Variants in AGFG2 observed in about 807,000 individuals in gnomAD.
AGFG2 encodes arf-GAP domain and FG repeat-containing protein 2.
In AGFG2, 31 loss-of-function variants were observed where a neutral mutation model predicts 48.0. The observed-to-expected ratio is 0.65, with a 90% CI of 0.49 to 0.87. The LOEUF (loss-of-function observed/expected upper bound fraction) is 0.87. Among genes scored for constraint, AGFG2 ranks in the 40% least tolerant of loss-of-function variants. The probability of loss-of-function intolerance (pLI) is 0.00; values close to 1 mark genes in which losing one functional copy is unlikely to be tolerated. For synonymous variants in AGFG2, 229 were observed against 260.8 expected, an observed-to-expected ratio of 0.88 and a Z score of 1.18; for missense variants, 599 against 632.6, an observed-to-expected ratio of 0.95 and a Z score of 0.57.
chr7:100,563,315 A>C (rs1303232228), intron 9 of AGFG2, among the ~76,000 whole-genome samples: 2 of 151,592 alleles, frequency 1.3e-5, no homozygotes, highest in African/African-American at 2.4e-5. Context: ...GCTTCCATCA[A>C]CTCCAGGCCT....
At position 100,554,135 on chromosome 7, in the gene AGFG2, A is replaced by C. The variant is rs1201717290; in HGVS notation, c.628A>C (p.Thr210Pro). 1.2e-6 allele frequency: 2 copies of C among 1,614,038 alleles called. No individual in the cohort carries two copies. The change falls in exon 5 of 12, where the codon ACT (threonine) becomes CCT (proline). Residue 210 changes from threonine to proline, a missense_variant. Transcript: ENST00000300176. ...SHARTSQARS[T>P]QPPPHSSVKK... ...CGCTCGGACATCCCAGGCCCGGAGC[A>C]CTCAGCCACCTCCCCACTCCTCTGT...
rs1800984693 is a variant in AGFG2, at chr7:100,565,383, A to G, written c.*392A>G. 4.5e-6 allele frequency: 1 copy of G among 223,184 alleles called. No homozygotes were observed. The highest frequency in any genetic ancestry group is 6.5e-5 in the South Asian group (1 of 15,396). 13.8% of individuals were successfully genotyped at this position (223,184 alleles called of 1,614,324 possible). A position where few individuals can be genotyped will look rare whatever the true frequency, so the allele number is the denominator to read the frequency against. On this transcript the variant is annotated 3_prime_UTR_variant, in exon 12 of 12. Coordinates refer to ENST00000300176, the MANE Select transcript of AGFG2 (RefSeq NM_006076.5). Reference sequence around the variant, plus strand: ...AGGGGAAAGATGAGGCACAGTGTTGATGGGGCAGTGACCAGACAGTCCTGA... The same window carrying G: ...AGGGGAAAGATGAGGCACAGTGTTGGTGGGGCAGTGACCAGACAGTCCTGA...
rs1343660897 is a variant in AGFG2, at chr7:100,555,688, T to G, written c.830T>G (p.Leu277Arg). ...CCCAGCTCTTCTGTGTTTGGAAGCC[T>G]CCCTCCAGCTGGTCAAGCCTCGTTC... ...SGPSSSVFGS[L>R]PPAGQASFQA... The change falls in exon 6 of 12, where the codon CTC (leucine) becomes CGC (arginine). Residue 277 changes from leucine (L) to arginine (R), a missense_variant. Transcript: ENST00000300176. 1.9e-6 allele frequency: 3 copies of G among 1,614,012 alleles called. No individual in the cohort carries two copies. The African/African-American group carries it at 4.0e-5, about 22-fold the overall frequency.
At chr7:100,548,153 G>A (rs778358738) in intron 1 of AGFG2, among the ~76,000 whole-genome samples, 8 of 152,070 alleles carry the variant, frequency 5.3e-5, no homozygotes, top group Non-Finnish European at 1.2e-4. Context: ...TACCCCCCTC[G>A]GCCTACAGGC....
intron 1 of AGFG2, among the ~76,000 whole-genome samples, chr7:100,546,853 G>A (rs773719153): frequency 2.0e-5 from 3 of 152,154 alleles, no homozygotes; most frequent in Admixed American, 1.3e-4. Flanking sequence ...AAATGTGATC[G>A]GAAGACAGTC....
rs1800998158 is a variant in AGFG2, at chr7:100,565,924, T to C, written c.*933T>C. 6.8e-6 allele frequency: 1 copy of C among 148,010 alleles called. No individual in the cohort carries two copies. Among genetic ancestry groups the C allele is most frequent in the African/African-American group, 2.5e-5 (1 of 40,060 alleles). The allele number at this position is 148,010 out of a possible 1,614,324, so 9.2% of individuals were successfully genotyped here. On this transcript the variant is annotated 3_prime_UTR_variant, in exon 12 of 12. Coordinates refer to ENST00000300176, the MANE Select transcript of AGFG2 (RefSeq NM_006076.5). ...TTTTTTTTTTCTCCATGTGCCTCCCTGTCCCCAAATCTCTGCACCAAAGCT... is the reference window on the plus strand; with the variant it reads ...TTTTTTTTTTCTCCATGTGCCTCCCCGTCCCCAAATCTCTGCACCAAAGCT...
Position 100,564,179 on chromosome 7 carries a change from C to T in AGFG2, c.1301-39C>T, listed in dbSNP as rs190701311. On this transcript the variant is annotated intron_variant, in intron 10 of 11. Coordinates refer to ENST00000300176, the MANE Select transcript of AGFG2 (RefSeq NM_006076.5). ...CCCTTGCTGTCCGCCTGCAGGAAGG[C>T]AGGCTGGTGTCAGCTGAGTGACTGC... 1.6e-3 allele frequency: 2,548 copies of T among 1,591,472 alleles called. 2 individuals carry two copies. The highest frequency in any genetic ancestry group is 1.8e-3 in the Non-Finnish European group (2,055 of 1,166,884).
At chr7:100,551,416 G>C (rs1800641848) in intron 3 of AGFG2, among the ~76,000 whole-genome samples, 1 of 149,696 alleles carries the variant, frequency 6.7e-6, no homozygotes. Flanking sequence ...CGTTGCCCAG[G>C]CTGGTCTGAA....
chr7:100,545,735 T>A (rs1231968484), intron 1 of AGFG2, among the ~76,000 whole-genome samples: 1 of 152,186 alleles, frequency 6.6e-6, no homozygotes, highest in Non-Finnish European at 1.5e-5. Flanking sequence ...GTGGGAGAGC[T>A]GGGCCTGTTT....
intron 1 of AGFG2, among the ~76,000 whole-genome samples, chr7:100,542,764 C>T (rs1310752075): frequency 6.6e-6 from 1 of 152,110 alleles, no homozygotes; most frequent in Non-Finnish European, 1.5e-5. Context: ...TGATTGATTA[C>T]CTGTAGATTA....
chr7:100,562,340 T>C lies in AGFG2; in HGVS notation c.959T>C (p.Phe320Ser), dbSNP rs912204114. Residue 320 changes from phenylalanine to serine, a missense_variant, in exon 7 of 12, where the codon TTC becomes TCC. Coordinates refer to ENST00000300176, the MANE Select transcript of AGFG2 (RefSeq NM_006076.5). The surrounding 1 kb of genome is among the most constrained non-coding windows in gnomAD (Gnocchi z 5.4). ...AACAGCCTCGCAGACGTGGGCAGCT[T>C]CCTGGGACCCGGGGTGCCCGCTGCA... ...QPNSLADVGS[F>S]LGPGVPAAGV... The C allele has an allele frequency of 9.3e-6, 15 of 1,613,956 alleles. No individual in the cohort carries two copies. The highest frequency in any genetic ancestry group is 1.3e-5 in the African/African-American group (1 of 74,910).
At position 100,562,137 on chromosome 7, in the gene AGFG2, C is replaced by T; in HGVS notation, c.878-122C>T. On this transcript the variant is annotated intron_variant, in intron 6 of 11. Transcript: ENST00000300176. The surrounding 1 kb of genome is among the most constrained non-coding windows in gnomAD (Gnocchi z 5.4). ...GAGAAAATGGGCTGCCTCAGAGAACCCAGCAGGCACCTGTCATGCCATGAC... is the reference window on the plus strand; with the variant it reads ...GAGAAAATGGGCTGCCTCAGAGAACTCAGCAGGCACCTGTCATGCCATGAC... 2 of 1,370,806 alleles carry T rather than the reference C, an allele frequency of 1.5e-6. No individual in the cohort carries two copies. Among genetic ancestry groups the T allele is most frequent in the Non-Finnish European group, 2.0e-6 (2 of 1,002,362 alleles). 84.9% of individuals were successfully genotyped at this position (1,370,806 alleles called of 1,614,324 possible).
Position 100,563,972 on chromosome 7 carries a change from G to T in AGFG2, c.1300+10G>T. 6.2e-7 allele frequency: 1 copy of T among 1,605,556 alleles called. No individual in the cohort carries two copies. The highest frequency in any genetic ancestry group is 2.2e-5 in the East Asian group (1 of 44,884). ...GTTCAGCAGCAGAATGGTAAGAGCT[G>T]TAGATGGACAAACCCTTTCACCCCA... On this transcript the variant is annotated intron_variant, in intron 10 of 11. Coordinates refer to ENST00000300176, the MANE Select transcript of AGFG2 (RefSeq NM_006076.5).
intron 1 of AGFG2, among the ~76,000 whole-genome samples, chr7:100,543,254 G>A (rs561970869): frequency 3.6e-4 from 54 of 151,964 alleles, no homozygotes; most frequent in Non-Finnish European, 7.4e-4. Flanking sequence ...TAGTAGAGAC[G>A]GGGTTTCACC....
intron 1 of AGFG2, 72 bp from the exon 2 acceptor site, chr7:100,548,750 C>A: frequency 8.5e-7 from 1 of 1,182,152 alleles, no homozygotes; most frequent in Non-Finnish European, 1.3e-6. Context: ...CTCCCTCCTC[C>A]TCCTCCTCCC....
rs1452721447 is a variant in AGFG2 at position 100,565,117 on chromosome 7, T to G, written c.*126T>G. The G allele has an allele frequency of 2.7e-6, 3 of 1,130,890 alleles. No homozygotes were observed. Among genetic ancestry groups the G allele is most frequent in the African/African-American group, 1.5e-5 (1 of 64,622 alleles). The allele number at this position is 1,130,890 out of a possible 1,614,324, so 70.1% of individuals were successfully genotyped here. On this transcript the variant is annotated 3_prime_UTR_variant, in exon 12 of 12. Transcript: ENST00000300176. ...GATGGTGGAGGTGCTAATGCTTTGC[T>G]TGGGGCCTACAGGTGAAAGGTGGCT...
chr7:100,551,130 C>T (rs1800635136), intron 3 of AGFG2, among the ~76,000 whole-genome samples: 1 of 136,470 alleles, frequency 7.3e-6, no homozygotes, highest in Non-Finnish European at 1.5e-5. Flanking sequence ...AGTGCAGTGG[C>T]GTGATCTCGG....
At chr7:100,549,032 C>A in intron 2 of AGFG2, 117 bp downstream of exon 2, 1 of 781,696 alleles carries the variant, frequency 1.3e-6, no homozygotes, top group Non-Finnish European at 2.1e-6. Context: ...TTAATTTTTT[C>A]ATATGTATGA....
rs1562795984 is a variant in AGFG2 at position 100,562,290 on chromosome 7, TC to T, written c.913del (p.Leu305TrpfsTer92). ...SSQGTPFGAT[P>X]LAPASQPNSL... is the part of the protein sequence containing the mutation. ...GCCAGGGGACTCCATTTGGTGCCAC[TC>T]CCCTGGCACCCGCCAGTCAGCCAAA... On this transcript the variant is annotated frameshift_variant, in exon 7 of 12. Transcript: ENST00000300176. LOFTEE classifies it high-confidence loss of function. The surrounding 1 kb of genome is among the most constrained non-coding windows in gnomAD (Gnocchi z 5.4). The T allele has an allele frequency of 6.2e-7, 1 of 1,610,602 alleles. No individual in the cohort carries two copies. Among genetic ancestry groups the T allele is most frequent in the Admixed American group, 1.7e-5 (1 of 59,940 alleles).
Sources: gnomAD v4.1 joint callset for allele counts (sites outside exome capture counted in the v4.1 genomes callset) on GRCh38, gnomAD v4.1.1 for gene constraint, Gnocchi (gnomAD v3.1) non-coding constraint, MANE v1.5 for transcripts, NCBI Gene and HGNC (gene_info 2026-07-23, HGNC 2026-07-21) for gene names.